KLHL1: variants seen among roughly 807,000 people sequenced by gnomAD.
The protein encoded by KLHL1 is kelch like family member 1.
Under a neutral mutation model 77.7 loss-of-function variants are expected in KLHL1, and 47 were observed. The ratio of observed to expected loss-of-function variants is 0.60; its 90% CI spans 0.48 to 0.77. KLHL1 has a LOEUF of 0.77. Ranked by LOEUF, KLHL1 falls within the 30% of genes least tolerant of loss-of-function variation. KLHL1 has a pLI of 0.00. For missense variants in KLHL1, 925 were observed against 910.8 expected (o/e 1.02, Z -0.20); for synonymous variants, 360 against 325.2 (o/e 1.11, Z -1.15).
intron 5 of KLHL1, among the ~76,000 whole-genome samples, chr13:69,854,403 T>A (rs1363686215): frequency 6.6e-6 from 1 of 151,822 alleles, no homozygotes; most frequent in Admixed American, 6.6e-5. Flanking sequence ...CAGGAAAGCA[T>A]AGAGTGAAAA....
intron 4 of KLHL1, among the ~76,000 whole-genome samples, chr13:69,928,231 C>A (rs1421638783): frequency 6.6e-6 from 1 of 152,188 alleles, no homozygotes; most frequent in African/African-American, 2.4e-5. Context: ...TCATCAGCTA[C>A]AGAATAGTTT....
At position 69,769,947 on chromosome 13, in the gene KLHL1, G is replaced by C. The variant is rs113633162; in HGVS notation, c.1639+26791C>G. On this transcript the variant is annotated intron_variant, in intron 7 of 10. Coordinates refer to ENST00000377844, the MANE Select transcript of KLHL1 (RefSeq NM_020866.3). ...GGCGGTGACATGCTCCTGTTTGCCA[G>C]ACTATGGGAGTGAACAGTGGTGACC... 4.8e-4 allele frequency among the ~76,000 whole-genome samples: 73 copies of C among 152,254 alleles called. 1 individual carries two copies. Among genetic ancestry groups the C allele is most frequent in the African/African-American group, 1.7e-3 (70 of 41,558 alleles).
chr13:70,056,154 T>A (rs1280419236), intron 1 of KLHL1, among the ~76,000 whole-genome samples: 3 of 151,688 alleles, frequency 2.0e-5, no homozygotes, highest in Middle Eastern at 3.4e-3. Flanking sequence ...AAAAAAGATA[T>A]CCCATGGAAA....
intron 2 of KLHL1, among the ~76,000 whole-genome samples, chr13:69,964,633 T>G (rs1265782752): frequency 6.6e-6 from 1 of 152,140 alleles, no homozygotes; most frequent in Non-Finnish European, 1.5e-5. Flanking sequence ...GTTCAACAAC[T>G]GAGAATGCTA....
chr13:69,788,989 A>T lies in KLHL1; in HGVS notation c.1639+7749T>A, dbSNP rs149599577. Among the ~76,000 whole-genome samples the T allele has an allele frequency of 6.4e-3, 965 of 150,310 alleles. 9 individuals are homozygous for T. The highest frequency in any genetic ancestry group is 0.021 in the African/African-American group (877 of 40,994). On this transcript the variant is annotated intron_variant, in intron 7 of 10. Transcript: ENST00000377844. ...TTCCCCTCTCAGGAGAATTCAGGAG[A>T]AAAAGATAAACACTGGACTCCACAG...
intron 6 of KLHL1, among the ~76,000 whole-genome samples, chr13:69,804,261 G>T (rs905808445): frequency 1.3e-5 from 2 of 152,072 alleles, no homozygotes; most frequent in African/African-American, 4.8e-5. Flanking sequence ...GCAGTTCTAG[G>T]TCTCTCAGGA....
intron 6 of KLHL1, among the ~76,000 whole-genome samples, chr13:69,812,738 A>G (rs923626363): frequency 2.0e-5 from 3 of 151,478 alleles, no homozygotes; most frequent in African/African-American, 4.9e-5. Flanking sequence ...ATCACTGGCC[A>G]TCAGAGAAAT....
intron 5 of KLHL1, among the ~76,000 whole-genome samples, chr13:69,856,163 A>G (rs930069323): frequency 1.3e-4 from 19 of 151,818 alleles, no homozygotes; most frequent in African/African-American, 4.6e-4. Context: ...CTTCTTCTGA[A>G]GCAAAGGACA....
chr13:69,739,668 A>G (rs1330019594), intron 8 of KLHL1, among the ~76,000 whole-genome samples: 1 of 152,222 alleles, frequency 6.6e-6, no homozygotes, highest in African/African-American at 2.4e-5. Context: ...GAGGATTGAC[A>G]TATTGTTTGC....
At chr13:69,962,795 T>G (rs1211880820) in intron 2 of KLHL1, among the ~76,000 whole-genome samples, 2 of 152,020 alleles carry the variant, frequency 1.3e-5, no homozygotes, top group African/African-American at 4.8e-5. Context: ...AGCCTCATAA[T>G]ATGAGCTGGG....
chr13:70,105,591 T>C (rs995930745), intron 1 of KLHL1, among the ~76,000 whole-genome samples: 10 of 151,394 alleles, frequency 6.6e-5, no homozygotes, highest in Admixed American at 6.6e-4. Flanking sequence ...TAACCTAGTT[T>C]CCTTTTGAAT....
At chr13:70,042,308 T>G (rs1038303264) in intron 1 of KLHL1, among the ~76,000 whole-genome samples, 3 of 152,060 alleles carry the variant, frequency 2.0e-5, no homozygotes, top group Admixed American at 6.6e-5. Flanking sequence ...CTTGTGTGGG[T>G]GTGTGTGTGT....
chr13:69,721,070 T>TATATATATATATATATATATATAC (rs1566358328), intron 8 of KLHL1, among the ~76,000 whole-genome samples: 1 of 60,138 alleles, frequency 1.7e-5, no homozygotes, highest in African/African-American at 4.4e-5. Context: ...AAGATATATA[T>TATATATATATATATATATATATAC]ATATATATAA....
At chr13:69,752,181 G>A (rs921186785) in intron 7 of KLHL1, among the ~76,000 whole-genome samples, 3 of 152,090 alleles carry the variant, frequency 2.0e-5, no homozygotes, top group Non-Finnish European at 4.4e-5. Context: ...GATTATCATA[G>A]CAATGTATCA....
At chr13:69,923,797 C>G (rs1882719332) in intron 4 of KLHL1, among the ~76,000 whole-genome samples, 1 of 152,150 alleles carries the variant, frequency 6.6e-6, no homozygotes, top group Admixed American at 6.5e-5. Flanking sequence ...GGCAGAAGCC[C>G]TGCTGCCTTC....
Position 69,961,398 on chromosome 13 carries a change from T to C in KLHL1, c.727A>G (p.Ser243Gly), listed in dbSNP as rs1884060258. ...VSDYFAAMFT[S>G]DVCEAKQEEI... ...TCTTGCTTGGCTTCACAAACATCAC[T>C]TGTAAACATGGCCGCAAAATAGTCG... Residue 243 changes from serine (S) to glycine (G), a missense_variant, in exon 3 of 11, where the codon AGT (serine) becomes GGT (glycine). Physicochemically the swap from Ser to Gly is moderately conservative, Grantham distance 56. Transcript: ENST00000377844. The C allele has an allele frequency of 6.2e-7, 1 of 1,613,014 alleles. No homozygotes were observed. The highest frequency in any genetic ancestry group is 1.1e-5 in the South Asian group (1 of 91,058).
intron 5 of KLHL1, among the ~76,000 whole-genome samples, chr13:69,840,704 ATG>A (rs1879221411): frequency 2.9e-4 from 37 of 127,146 alleles, no homozygotes; most frequent in African/African-American, 6.7e-4. Context: ...ATATATATGT[ATG>A]TATGTATGTA....
At chr13:69,957,269 T>A (rs773837526) in intron 3 of KLHL1, among the ~76,000 whole-genome samples, 1 of 151,704 alleles carries the variant, frequency 6.6e-6, no homozygotes, top group Non-Finnish European at 1.5e-5. Flanking sequence ...ACATAGATTT[T>A]ACTACTTTTA....
intron 1 of KLHL1, among the ~76,000 whole-genome samples, chr13:69,980,386 C>A (rs1441015198): frequency 6.6e-6 from 1 of 152,140 alleles, no homozygotes; most frequent in East Asian, 1.9e-4. Context: ...CCTCAGTCTT[C>A]AATGGCTTCT....
Sources: allele counts gnomAD v4.1 joint callset (sites outside exome capture counted in the v4.1 genomes callset), GRCh38; gene constraint gnomAD v4.1.1; transcripts MANE v1.5; gene names NCBI Gene and HGNC (gene_info 2026-07-23, HGNC 2026-07-21).